The following NEBL variants were observed in gnomAD, a reference collection of about 807,000 sequenced individuals.
The protein encoded by NEBL is nebulette.
In NEBL, 122 loss-of-function variants were observed where a neutral mutation model predicts 140.2. The observed-to-expected ratio is 0.87, with a 90% CI of 0.75 to 1.01. NEBL has a LOEUF of 1.01. NEBL is among the 50% of genes least tolerant of loss of function. NEBL has a pLI of 0.00. For synonymous variants in NEBL, 436 were observed against 398.9 expected (o/e 1.09, Z -1.11); for missense variants, 1,365 against 1,231.3 (o/e 1.11, Z -1.62).
intron 2 of NEBL, among the ~76,000 whole-genome samples, chr10:21,072,453 G>C (rs144640791): frequency 6.6e-6 from 1 of 152,214 alleles, no homozygotes; most frequent in Non-Finnish European, 1.5e-5. Flanking sequence ...GCCACTACAT[G>C]AGAGGTGCCA....
chr10:20,931,781 T>A (rs2131536164), intron 4 of NEBL, among the ~76,000 whole-genome samples: 1 of 152,186 alleles, frequency 6.6e-6, no homozygotes, highest in African/African-American at 2.4e-5. Context: ...CCATATTCTA[T>A]CATCCTTTAC....
chr10:21,258,876 A>G (rs1842699428), intron 1 of NEBL, among the ~76,000 whole-genome samples: 1 of 152,004 alleles, frequency 6.6e-6, no homozygotes, highest in Non-Finnish European at 1.5e-5. Flanking sequence ...ATAATAGCTA[A>G]TATTTACTGA....
At chr10:20,883,885 A>T (rs926036294) in intron 4 of NEBL, among the ~76,000 whole-genome samples, 3 of 151,158 alleles carry the variant, frequency 2.0e-5, no homozygotes, top group African/African-American at 7.4e-5. Context: ...GATTACATCA[A>T]ATTAGAGGGA....
chr10:21,120,393 C>CATAG (rs1838493399), intron 2 of NEBL, among the ~76,000 whole-genome samples: 1 of 59,534 alleles, frequency 1.7e-5, no homozygotes, highest in Non-Finnish European at 2.6e-5. Context: ...AAAAAAAATA[C>CATAG]ATATATATAT....
intron 1 of NEBL, among the ~76,000 whole-genome samples, chr10:21,260,476 T>A (rs1164228729): frequency 1.3e-5 from 2 of 152,256 alleles, no homozygotes; most frequent in Non-Finnish European, 2.9e-5. Context: ...CTTTTTCTTT[T>A]TGCCTTGCCT....
intron 3 of NEBL, among the ~76,000 whole-genome samples, chr10:21,219,979 T>A (rs954485117): frequency 3.3e-5 from 5 of 151,964 alleles, no homozygotes; most frequent in African/African-American, 1.2e-4. Context: ...CATGGGACGA[T>A]CTCGGCTCAC....
rs114097089 is a variant in NEBL at position 20,879,992 on chromosome 10, G to C, written c.480+802C>G. On this transcript the variant is annotated intron_variant, in intron 5 of 27. Transcript: ENST00000377122. Reference sequence around the variant, plus strand: ...TGACTTCCTCCGTTTTGGCTTTAAAGTCAGCCATTAGGCATCTATTGCTGT... The same window carrying C: ...TGACTTCCTCCGTTTTGGCTTTAAACTCAGCCATTAGGCATCTATTGCTGT... Among the ~76,000 whole-genome samples, 1,297 of 152,260 alleles carry C rather than the reference G, an allele frequency of 8.5e-3. 20 individuals carry two copies. Among genetic ancestry groups the C allele is most frequent in the African/African-American group, 0.03 (1,229 of 41,540 alleles).
At chr10:21,158,332 G>A (rs1840415307) in intron 2 of NEBL, among the ~76,000 whole-genome samples, 1 of 152,152 alleles carries the variant, frequency 6.6e-6, no homozygotes, top group Non-Finnish European at 1.5e-5. Flanking sequence ...ATAGGCAATA[G>A]TAATAATAGC....
intron 3 of NEBL, among the ~76,000 whole-genome samples, chr10:20,963,004 AC>A (rs879631131): frequency 9.0e-3 from 62 of 6,906 alleles, no homozygotes; most frequent in Admixed American, 0.087. Context: ...TGAAAGAAAA[AC>A]ACACACACAC....
Position 20,889,874 on chromosome 10 carries a change from C to A in NEBL, c.229G>T (p.Val77Leu). The stretch of plus-strand genomic sequence containing the variant: ...GAAATAAAAGCACCGATATTTTTTA[C>A]ATGGTTTAGCATAGGACTGTCAGTC... ...FVTDSPMLNHVKNIGAFISEA... is the reference protein window; with the variant it reads ...FVTDSPMLNHLKNIGAFISEA... The change falls in exon 3 of 28, where the codon GTA (valine) becomes TTA (leucine). Residue 77 changes from valine (V) to leucine (L), a missense_variant. Transcript: ENST00000377122. The A allele has an allele frequency of 6.2e-7, 1 of 1,612,740 alleles. No homozygotes were observed. Among genetic ancestry groups the A allele is most frequent in the Non-Finnish European group, 8.5e-7 (1 of 1,178,914 alleles).
At chr10:20,925,209 T>C (rs946344292) in intron 4 of NEBL, among the ~76,000 whole-genome samples, 4 of 152,174 alleles carry the variant, frequency 2.6e-5, no homozygotes, top group African/African-American at 9.7e-5. Context: ...TATGCATGTA[T>C]CATCTTTCAA....
At chr10:21,076,489 C>A (rs1283296967) in intron 2 of NEBL, among the ~76,000 whole-genome samples, 2 of 140,126 alleles carry the variant, frequency 1.4e-5, no homozygotes, top group African/African-American at 5.3e-5. Flanking sequence ...TACCACACAA[C>A]CCAACAATTC....
chr10:21,222,762 A>C (rs1842088995), intron 3 of NEBL, among the ~76,000 whole-genome samples: 1 of 151,972 alleles, frequency 6.6e-6, no homozygotes, highest in African/African-American at 2.4e-5. Context: ...ATGCTCTTTT[A>C]GTTTTCTTTT....
chr10:21,113,624 T>A (rs1338865178), intron 2 of NEBL, among the ~76,000 whole-genome samples: 1 of 152,150 alleles, frequency 6.6e-6, no homozygotes, highest in Non-Finnish European at 1.5e-5. Context: ...TGATAAATGT[T>A]GCCCAGGTCC....
At chr10:21,177,680 C>T (rs1258409645), upstream of NEBL, among the ~76,000 whole-genome samples, 3 of 152,056 alleles carry the variant, frequency 2.0e-5, no homozygotes, top group East Asian at 5.8e-4. Context: ...CAGGTGCCCA[C>T]CACCACGCCC....
chr10:20,780,859 T>C lies in NEBL; in HGVS notation c.*4888A>G, dbSNP rs144297434. On this transcript the variant is annotated 3_prime_UTR_variant, in exon 28 of 28. Transcript: ENST00000377122. ...CATTCCTGGTTTGCCGTCATTTAAG[T>C]AGTTTCAATAGATAAATCGGTGATT... The C allele has an allele frequency of 1.2e-4, 19 of 152,358 alleles. No individual in the cohort carries two copies. The highest frequency in any genetic ancestry group is 4.6e-4 in the African/African-American group (19 of 41,584). The allele number at this position is 152,358 out of a possible 1,614,324, so 9.4% of individuals were successfully genotyped here.
chr10:21,200,985 G>A (rs1228472583), intron 3 of NEBL, among the ~76,000 whole-genome samples: 2 of 151,898 alleles, frequency 1.3e-5, no homozygotes, highest in African/African-American at 4.8e-5. Context: ...AGCTACTCAG[G>A]AGGGAGGATT....
chr10:20,818,801 C>T (rs1197395336), intron 20 of NEBL: 2 of 988,634 alleles, frequency 2.0e-6, no homozygotes, highest in Admixed American at 1.2e-4. Context: ...TACAGCAACA[C>T]AGTCCCAAAT....
At chr10:21,195,129 G>A (rs1417463084) in intron 3 of NEBL, among the ~76,000 whole-genome samples, 2 of 151,996 alleles carry the variant, frequency 1.3e-5, no homozygotes, top group Non-Finnish European at 2.9e-5. Context: ...TAATTTCCTA[G>A]CCCTGTCAAC....
Sources: gnomAD v4.1 joint callset for allele counts (sites outside exome capture counted in the v4.1 genomes callset) on GRCh38, gnomAD v4.1.1 for gene constraint, MANE v1.5 for transcripts, NCBI Gene and HGNC (gene_info 2026-07-23, HGNC 2026-07-21) for gene names.